The following MFSD11 variants were observed in gnomAD, a reference collection of about 807,000 sequenced individuals.
MFSD11 encodes UNC93-like protein MFSD11.
MFSD11 carries 36 observed loss-of-function variants against 53.5 expected under a neutral mutation model. The observed-to-expected ratio is 0.67, with a 90% CI of 0.52 to 0.89. MFSD11 has a LOEUF of 0.89. MFSD11 is among the 40% of genes least tolerant of loss of function. MFSD11 has a pLI of 0.00. For synonymous variants in MFSD11, 186 were observed against 184.9 expected, an observed-to-expected ratio of 1.01 and a Z score of -0.05; for missense variants, 530 against 543.9, an observed-to-expected ratio of 0.97 and a Z score of 0.25.
chr17:76,747,121 G>A (rs2078627032), intron 7 of MFSD11, among the ~76,000 whole-genome samples: 1 of 152,090 alleles, frequency 6.6e-6, no homozygotes, highest in Non-Finnish European at 1.5e-5. Context: ...ATTTCATGAG[G>A]ATATAGCTGC....
At chr17:76,780,559 A>T (rs2082138246), downstream of MFSD11, among the ~76,000 whole-genome samples, 1 of 148,920 alleles carries the variant, frequency 6.7e-6, no homozygotes, top group Non-Finnish European at 1.5e-5. Context: ...TCTGTTGCCC[A>T]GGCTAGAGTG....
chr17:76,793,116 G>T, the MFSD11 span, among the ~76,000 whole-genome samples: 1 of 151,432 alleles, frequency 6.6e-6, no homozygotes, highest in African/African-American at 2.5e-5. Flanking sequence ...TTTCGGGCAC[G>T]CATTGTCATT....
At chr17:76,737,180 G>T (rs779112874), upstream of MFSD11, 1 of 1,529,482 alleles carries the variant, frequency 6.5e-7, no homozygotes, top group South Asian at 1.2e-5. Context: ...TGGCGGCCCG[G>T]AGCCCCGCGA....
At chr17:76,800,167 C>T in the MFSD11 span, among the ~76,000 whole-genome samples, 1 of 151,680 alleles carries the variant, frequency 6.6e-6, no homozygotes, top group African/African-American at 2.4e-5. Flanking sequence ...GTTGGCCAGG[C>T]TGGTCTCGAA....
At chr17:76,773,570 GT>G (rs975392565) in intron 10 of MFSD11, among the ~76,000 whole-genome samples, 7 of 151,966 alleles carry the variant, frequency 4.6e-5, no homozygotes, top group Admixed American at 3.3e-4. Flanking sequence ...TCTAGGCAGG[GT>G]TTTTTTGTTT....
chr17:76,774,086 T>A (rs996551340), intron 10 of MFSD11, among the ~76,000 whole-genome samples: 5 of 151,612 alleles, frequency 3.3e-5, no homozygotes, highest in African/African-American at 7.3e-5. Context: ...CCACCACACC[T>A]GGCTAATTTT....
At chr17:76,778,100 G>A (rs1009459865) in intron 12 of MFSD11, 88 bp from the exon 13 acceptor site, 1 of 1,335,012 alleles carries the variant, frequency 7.5e-7, no homozygotes, top group Non-Finnish European at 1.1e-6. Context: ...AGGTGTCCTT[G>A]GGGCAGGATA....
intron 5 of MFSD11, among the ~76,000 whole-genome samples, chr17:76,742,681 T>G (rs2144138158): frequency 1.3e-5 from 2 of 152,222 alleles, no homozygotes; most frequent in South Asian, 4.2e-4. Flanking sequence ...TTTTTTTGTA[T>G]TTTTAGTAGA....
intron 7 of MFSD11, among the ~76,000 whole-genome samples, chr17:76,745,839 A>ATTTT (rs2078490111): frequency 3.3e-5 from 5 of 151,610 alleles, no homozygotes; most frequent in South Asian, 2.1e-4. Context: ...TTATTTATTT[A>ATTTT]TTTTTTGAGA....
intron 2 of MFSD11, 69 bp from the exon 3 acceptor site, chr17:76,740,888 A>G (rs1423419130): frequency 9.4e-6 from 8 of 849,512 alleles, no homozygotes; most frequent in South Asian, 7.5e-5. Flanking sequence ...TGGATTTTAA[A>G]CAGTGACACA....
chr17:76,738,915 G>GA (rs755637673), intron 1 of MFSD11, 23 bp from the exon 2 acceptor site: 2 of 1,609,810 alleles, frequency 1.2e-6, no homozygotes, highest in Non-Finnish European at 1.7e-6. Context: ...CATTTTCGTT[G>GA]ATTAGTTTTA....
intron 8 of MFSD11, among the ~76,000 whole-genome samples, chr17:76,754,613 G>A (rs2079387259): frequency 6.6e-6 from 1 of 150,780 alleles, no homozygotes; most frequent in South Asian, 2.1e-4. Flanking sequence ...GAACCTGGGA[G>A]GTGGAGGTTG....
chr17:76,754,732 C>G (rs2079405639), intron 8 of MFSD11, among the ~76,000 whole-genome samples: 1 of 150,076 alleles, frequency 6.7e-6, no homozygotes, highest in Admixed American at 6.7e-5. Context: ...TGGAGCAAAG[C>G]AGTAGCTCCA....
At chr17:76,740,867 C>CTA in intron 2 of MFSD11, 90 bp from the exon 3 acceptor site, 2 of 748,758 alleles carry the variant, frequency 2.7e-6, no homozygotes, top group Non-Finnish European at 4.5e-6. Flanking sequence ...ATTGTAAAAT[C>CTA]TATAAACAAA....
chr17:76,738,513 A>T, intron 1 of MFSD11, 65 bp downstream of exon 1: 2 of 1,214,634 alleles, frequency 1.6e-6, no homozygotes, highest in Non-Finnish European at 2.4e-6. Context: ...AAATGAAAAT[A>T]AACGTTCATT....
intron 7 of MFSD11, among the ~76,000 whole-genome samples, chr17:76,747,624 C>T (rs144491589): frequency 0.01 from 1,553 of 152,194 alleles, 32 homozygotes; most frequent in African/African-American, 0.036. Flanking sequence ...TGAGCCACCG[C>T]GCCTGGCAAA....
At chr17:76,761,688 C>T (rs994818377) in intron 8 of MFSD11, among the ~76,000 whole-genome samples, 5 of 151,942 alleles carry the variant, frequency 3.3e-5, no homozygotes, top group South Asian at 2.1e-4. Context: ...TTTGGGAGGC[C>T]GAGGCGGGCG....
At chr17:76,780,542 G>A (rs900792721), downstream of MFSD11, among the ~76,000 whole-genome samples, 6 of 148,926 alleles carry the variant, frequency 4.0e-5, no homozygotes, top group Non-Finnish European at 7.4e-5. Flanking sequence ...TCAAGACAGC[G>A]TCTCACTCTG....
the MFSD11 span, among the ~76,000 whole-genome samples, chr17:76,801,903 GA>G: frequency 6.6e-6 from 1 of 152,060 alleles, no homozygotes; most frequent in African/African-American, 2.4e-5. Flanking sequence ...GACCTCCTGG[GA>G]ATGCAGCCCA....
Sources: allele counts gnomAD v4.1 joint callset (sites outside exome capture counted in the v4.1 genomes callset), GRCh38; gene constraint gnomAD v4.1.1; transcripts MANE v1.5; gene names NCBI Gene and HGNC (gene_info 2026-07-23, HGNC 2026-07-21).